The following CAST variants were observed in gnomAD, a reference collection of about 807,000 sequenced individuals.
The protein encoded by CAST is MIR583 host.
In CAST, 76 loss-of-function variants were observed where a neutral mutation model predicts 119.6. That is an observed-to-expected ratio of 0.64 (90% CI 0.53 to 0.77). The LOEUF is 0.77. Ranked by LOEUF, CAST falls within the 30% of genes least tolerant of loss-of-function variation. CAST has a pLI of 0.00. For missense variants in CAST, 953 were observed against 946.5 expected (o/e 1.01, Z -0.09); for synonymous variants, 319 against 331.6 (o/e 0.96, Z 0.41).
Position 96,771,597 on chromosome 5 carries a change from T to C in CAST, c.2341-47T>C, listed in dbSNP as rs748061014. 5.2e-6 allele frequency: 8 copies of C among 1,534,456 alleles called. 1 individual carries two copies. The South Asian group carries it at 8.0e-5, about 15-fold the overall frequency. ...TTCTGAGAAGGCCATCTCCTCATAC[T>C]TAATACAGAAAAGAAAGCTCACGGA... On this transcript the variant is annotated intron_variant, in intron 30 of 31. Coordinates refer to ENST00000675179, the MANE Select transcript of CAST (RefSeq NM_001750.7).
the CAST span, among the ~76,000 whole-genome samples, chr5:96,231,300 G>A: frequency 2.7e-4 from 41 of 152,204 alleles, no homozygotes; most frequent in Non-Finnish European, 4.6e-4. Context: ...GTCTTTGGCC[G>A]CAAAAAGGAA....
chr5:96,357,713 T>A, the CAST span, among the ~76,000 whole-genome samples: 7 of 152,206 alleles, frequency 4.6e-5, no homozygotes, highest in Non-Finnish European at 5.9e-5. Flanking sequence ...CTTTTTGTCG[T>A]GCTGCTAGAT....
chr5:96,410,101 C>G, the CAST span, among the ~76,000 whole-genome samples: 3 of 152,206 alleles, frequency 2.0e-5, no homozygotes, highest in Admixed American at 6.5e-5. Flanking sequence ...AAAGGTGTCT[C>G]CCTTTGTTCT....
chr5:96,364,529 A>T, the CAST span, among the ~76,000 whole-genome samples: 1 of 152,158 alleles, frequency 6.6e-6, no homozygotes, highest in Non-Finnish European at 1.5e-5. Flanking sequence ...CAGAGATTCA[A>T]CTTCTTCCTG....
At chr5:96,283,146 G>GAAAAAA in the CAST span, among the ~76,000 whole-genome samples, 1 of 130,258 alleles carries the variant, frequency 7.7e-6, no homozygotes, top group Non-Finnish European at 1.6e-5. Context: ...AAAAAAAAAA[G>GAAAAAA]AAAAAAATTT....
chr5:96,745,892 C>A (rs1763659605), intron 16 of CAST, among the ~76,000 whole-genome samples: 1 of 152,200 alleles, frequency 6.6e-6, no homozygotes, highest in South Asian at 2.1e-4. Flanking sequence ...TAGACAGCTG[C>A]CTCGTTGAGT....
At chr5:96,314,696 T>G in the CAST span, among the ~76,000 whole-genome samples, 1 of 152,232 alleles carries the variant, frequency 6.6e-6, no homozygotes, top group East Asian at 1.9e-4. Context: ...CTAAGCCTTT[T>G]AAGTCATACC....
intron 1 of CAST, among the ~76,000 whole-genome samples, chr5:96,648,459 A>G (rs1748049813): frequency 6.6e-6 from 1 of 152,144 alleles, no homozygotes; most frequent in Admixed American, 6.5e-5. Flanking sequence ...ATATATCTGT[A>G]TATTTAAGTT....
chr5:96,506,671 C>CTCCTCCCACTATGAGGAGGTCT, the CAST span, among the ~76,000 whole-genome samples: 5 of 766 alleles, frequency 6.5e-3, no homozygotes, highest in Non-Finnish European at 0.075. Context: ...GAGGAGGTCT[C>CTCCTCCCACTATGAGGAGGTCT]CTCCTCCCAC....
At chr5:96,064,446 C>G in the CAST span, among the ~76,000 whole-genome samples, 1 of 135,074 alleles carries the variant, frequency 7.4e-6, no homozygotes, top group Non-Finnish European at 1.7e-5. Flanking sequence ...GTACTGCAGA[C>G]AGCTGTTGAA....
chr5:96,741,195 C>T (rs1432087512), intron 13 of CAST, 71 bp from the exon 14 acceptor site: 1 of 828,876 alleles, frequency 1.2e-6, no homozygotes, highest in Non-Finnish European at 2.1e-6. Context: ...TCTTCATTTG[C>T]TAGGTTTATG....
At chr5:95,961,852 G>A in the CAST span, 2 of 1,218,958 alleles carry the variant, frequency 1.6e-6, no homozygotes, top group Non-Finnish European at 2.2e-6. Flanking sequence ...GTCATATACT[G>A]CGCGGAGCCA....
At chr5:96,612,308 T>A (rs1397205333) in intron 1 of CAST, among the ~76,000 whole-genome samples, 2 of 152,164 alleles carry the variant, frequency 1.3e-5, no homozygotes, top group Non-Finnish European at 2.9e-5. Context: ...GAGGACATTA[T>A]CCTAAATGAA....
At chr5:96,219,746 AAGGCAGGC>A in the CAST span, among the ~76,000 whole-genome samples, 1 of 151,538 alleles carries the variant, frequency 6.6e-6, no homozygotes, top group Admixed American at 6.6e-5. Context: ...GGAAGGAAGG[AAGGCAGGC>A]AGGCAGGAAG....
the CAST span, among the ~76,000 whole-genome samples, chr5:96,515,092 T>C: frequency 7.9e-5 from 12 of 152,130 alleles, 1 homozygote; most frequent in Non-Finnish European, 1.8e-4. Flanking sequence ...TTTTCTGTGG[T>C]AGAGATTGTC....
the CAST span, among the ~76,000 whole-genome samples, chr5:96,439,674 C>A: frequency 7.8e-4 from 119 of 152,264 alleles, no homozygotes; most frequent in African/African-American, 2.7e-3. Flanking sequence ...CACCCCCGAA[C>A]CAACTGTAAG....
chr5:96,404,127 A>G, the CAST span, among the ~76,000 whole-genome samples: 1,461 of 152,290 alleles, frequency 9.6e-3, 31 homozygotes, highest in African/African-American at 0.034. Context: ...CTCTTAGTAT[A>G]TTTATCTCCA....
chr5:96,371,963 T>C, the CAST span, among the ~76,000 whole-genome samples: 2 of 152,356 alleles, frequency 1.3e-5, no homozygotes, highest in South Asian at 4.1e-4. Context: ...CTTTCTGATT[T>C]TTCCTTCCAA....
At chr5:96,452,976 A>AAAAAAAGAAG in the CAST span, among the ~76,000 whole-genome samples, 2 of 142,346 alleles carry the variant, frequency 1.4e-5, no homozygotes, top group African/African-American at 5.9e-5. Context: ...AAAAAAAAAA[A>AAAAAAAGAAG]CAGAAGAAAG....
Sources: gnomAD v4.1 joint callset for allele counts (sites outside exome capture counted in the v4.1 genomes callset) on GRCh38, gnomAD v4.1.1 for gene constraint, MANE v1.5 for transcripts, NCBI Gene and HGNC (gene_info 2026-07-23, HGNC 2026-07-21) for gene names.